The following SUCLA2 variants were observed in gnomAD, a reference collection of about 807,000 sequenced individuals.
The protein encoded by SUCLA2 is succinate--CoA ligase [ADP-forming] subunit beta, mitochondrial.
Under a neutral mutation model 54.8 loss-of-function variants are expected in SUCLA2, and 30 were observed. The observed-to-expected ratio is 0.55, with a 90% CI of 0.41 to 0.74. The LOEUF (loss-of-function observed/expected upper bound fraction) is 0.74. Among genes scored for constraint, SUCLA2 ranks in the 30% least tolerant of loss-of-function variants. The pLI, the probability that SUCLA2 is intolerant of heterozygous loss-of-function variation, is 0.00. For synonymous variants in SUCLA2, 172 were observed against 188.9 expected (o/e 0.91, Z 0.74); for missense variants, 476 against 562.9 (o/e 0.85, Z 1.56).
intron 6 of SUCLA2, among the ~76,000 whole-genome samples, chr13:47,957,383 T>A (rs1949829913): frequency 6.6e-6 from 1 of 152,140 alleles, no homozygotes; most frequent in Admixed American, 6.5e-5. Context: ...TTTTGGTTAG[T>A]TGACAGGGAA....
rs145192771 is a variant in SUCLA2 at position 47,963,749 on chromosome 13, G to A, written c.802+4846C>T. 2.7e-4 allele frequency among the ~76,000 whole-genome samples: 41 copies of A among 152,220 alleles called. No individual in the cohort carries two copies. In the East Asian group the frequency reaches 6.9e-3, roughly 26 times the overall value. ...ACACACACACATACTTCTTGGTTCT[G>A]TTTGTTGAAAAGGCCTGGAAGCAAT... On this transcript the variant is annotated intron_variant, in intron 6 of 10. Transcript: ENST00000646932.
chr13:47,986,719 T>C (rs147823245), intron 4 of SUCLA2, among the ~76,000 whole-genome samples: 9 of 152,338 alleles, frequency 5.9e-5, no homozygotes, highest in African/African-American at 2.2e-4. Flanking sequence ...GAGTTAACTT[T>C]TGTATATGGT....
intron 10 of SUCLA2, among the ~76,000 whole-genome samples, chr13:47,948,609 T>C (rs770473783): frequency 2.0e-5 from 3 of 152,028 alleles, no homozygotes; most frequent in East Asian, 3.9e-4. Flanking sequence ...TTACCCATAA[T>C]GTATCCTTTT....
At position 47,949,272 on chromosome 13, in the gene SUCLA2, C is replaced by T. The variant is rs4941619; in HGVS notation, c.1228+211G>A. Reference sequence around the variant, plus strand: ...AGTCAGAATTCAAGACAAATCACAACAAATAAAAAGTGTATCAAATTATAC... The same window carrying T: ...AGTCAGAATTCAAGACAAATCACAATAAATAAAAAGTGTATCAAATTATAC... On this transcript the variant is annotated intron_variant, in intron 9 of 10. Transcript: ENST00000646932. Among the ~76,000 whole-genome samples, 27,080 of 152,054 alleles carry T rather than the reference C, an allele frequency of 0.18. 3,453 individuals are homozygous for T. Among genetic ancestry groups the T allele is most frequent in the African/African-American group, 0.34 (14,126 of 41,448 alleles).
intron 4 of SUCLA2, among the ~76,000 whole-genome samples, chr13:47,981,528 C>T (rs7320033): frequency 0.017 from 2,643 of 152,184 alleles, 82 homozygotes; most frequent in African/African-American, 0.06. Flanking sequence ...TAAAATGGTA[C>T]GGCTCAGCTA....
chr13:47,995,643 G>GCAAA (rs1318265706), intron 2 of SUCLA2, among the ~76,000 whole-genome samples: 3 of 151,842 alleles, frequency 2.0e-5, no homozygotes, highest in Non-Finnish European at 2.9e-5. Flanking sequence ...AAATATAAAA[G>GCAAA]CAAAGTATTC....
At chr13:47,989,097 C>A in intron 2 of SUCLA2, 116 bp from the exon 3 acceptor site, 2 of 1,036,012 alleles carry the variant, frequency 1.9e-6, no homozygotes, top group Admixed American at 1.9e-5. Context: ...AATTTATTCA[C>A]AATGTCCAAA....
At chr13:47,984,493 C>T (rs1011432331) in intron 4 of SUCLA2, among the ~76,000 whole-genome samples, 2 of 152,132 alleles carry the variant, frequency 1.3e-5, no homozygotes, top group African/African-American at 2.4e-5. Flanking sequence ...TCAGCCACCA[C>T]GCCCAGCCCT....
chr13:47,998,870 T>G (rs546245430), intron 1 of SUCLA2, among the ~76,000 whole-genome samples: 1 of 152,370 alleles, frequency 6.6e-6, no homozygotes, highest in African/African-American at 2.4e-5. Flanking sequence ...CCACTTAAGC[T>G]GTACATCTTA....
intron 8 of SUCLA2, among the ~76,000 whole-genome samples, chr13:47,950,900 A>G (rs973495210): frequency 2.0e-5 from 3 of 152,178 alleles, no homozygotes; most frequent in African/African-American, 7.2e-5. Flanking sequence ...GGGGTGAGAC[A>G]CACTGAGCTA....
intron 2 of SUCLA2, among the ~76,000 whole-genome samples, chr13:47,990,598 C>T (rs557635709): frequency 3.9e-5 from 6 of 152,084 alleles, no homozygotes; most frequent in African/African-American, 1.4e-4. Flanking sequence ...GGCAAAATAA[C>T]CTTTGAGATC....
intron 4 of SUCLA2, among the ~76,000 whole-genome samples, chr13:47,985,402 G>A (rs534200809): frequency 7.1e-5 from 5 of 70,850 alleles, no homozygotes; most frequent in East Asian, 7.8e-4. Flanking sequence ...CCCCCACCCC[G>A]ACAGGCCCCA....
intron 6 of SUCLA2, among the ~76,000 whole-genome samples, chr13:47,956,210 A>G (rs1949820154): frequency 6.6e-6 from 1 of 152,200 alleles, no homozygotes; most frequent in African/African-American, 2.4e-5. Context: ...ACACACAGGT[A>G]ATCTAAGCAG....
intron 5 of SUCLA2, among the ~76,000 whole-genome samples, chr13:47,971,112 C>T (rs920828586): frequency 6.6e-6 from 1 of 151,834 alleles, no homozygotes; most frequent in African/African-American, 2.4e-5. Context: ...TCAAATTCTT[C>T]TTTTAAGGTG....
chr13:47,967,033 A>T (rs11617894), intron 6 of SUCLA2, among the ~76,000 whole-genome samples: 15,847 of 152,132 alleles, frequency 0.1, 913 homozygotes, highest in South Asian at 0.18. Flanking sequence ...AAATTTAAAA[A>T]TATAATATTT....
chr13:47,975,119 T>G (rs1375943291), intron 4 of SUCLA2, among the ~76,000 whole-genome samples: 1 of 150,642 alleles, frequency 6.6e-6, no homozygotes, highest in Non-Finnish European at 1.5e-5. Context: ...CATGACAACT[T>G]TTTTTTTTAA....
At chr13:47,964,957 A>G (rs556172220) in intron 6 of SUCLA2, among the ~76,000 whole-genome samples, 2 of 143,390 alleles carry the variant, frequency 1.4e-5, no homozygotes, top group East Asian at 4.1e-4. Flanking sequence ...TTAAATTATA[A>G]TTTTATTTAT....
chr13:47,964,983 TA>T (rs3056600), intron 6 of SUCLA2, among the ~76,000 whole-genome samples: 28,596 of 144,586 alleles, frequency 0.2, 3,465 homozygotes, highest in African/African-American at 0.32. Context: ...TTCATTTATT[TA>T]AAAAAAAAAA....
intron 5 of SUCLA2, among the ~76,000 whole-genome samples, chr13:47,969,039 C>T (rs1300167822): frequency 6.6e-6 from 1 of 152,156 alleles, no homozygotes; most frequent in Non-Finnish European, 1.5e-5. Flanking sequence ...TTACTGCCAA[C>T]CTAAGCTGAA....
Sources: gnomAD v4.1 joint callset for allele counts (sites outside exome capture counted in the v4.1 genomes callset) on GRCh38, gnomAD v4.1.1 for gene constraint, MANE v1.5 for transcripts, NCBI Gene and HGNC (gene_info 2026-07-23, HGNC 2026-07-21) for gene names.